The following SPG11 variants were observed in gnomAD, a reference collection of about 807,000 sequenced individuals.
SPG11 encodes spatacsin.
In SPG11, 222 loss-of-function variants were observed where a neutral mutation model predicts 274.0. The ratio of observed to expected loss-of-function variants is 0.81; its 90% CI spans 0.73 to 0.91. The LOEUF is 0.91. Ranked by LOEUF, SPG11 falls within the 40% of genes least tolerant of loss-of-function variation. SPG11 has a pLI of 0.00. For missense variants in SPG11, 3,114 were observed against 2,872.7 expected, an observed-to-expected ratio of 1.08 and a Z score of -1.92; for synonymous variants, 1,144 against 1,039.7, an observed-to-expected ratio of 1.10 and a Z score of -1.93.
intron 23 of SPG11, among the ~76,000 whole-genome samples, chr15:44,597,589 T>C (rs1307356356): frequency 6.6e-6 from 1 of 152,220 alleles, no homozygotes; most frequent in East Asian, 1.9e-4. Flanking sequence ...TCTCTTGCTC[T>C]ATTCACTTTA....
At chr15:44,622,601 C>T in intron 12 of SPG11, 127 bp downstream of exon 12, 1 of 860,036 alleles carries the variant, frequency 1.2e-6, no homozygotes, top group South Asian at 1.5e-5. Context: ...GGGGTTGTCA[C>T]ACTTTTACTT....
chr15:44,625,885 G>C (rs2083884408), intron 11 of SPG11, among the ~76,000 whole-genome samples: 1 of 151,640 alleles, frequency 6.6e-6, no homozygotes, highest in African/African-American at 2.4e-5. Flanking sequence ...TCGCCATGTT[G>C]GTCAGGCTGG....
chr15:44,661,716 TAG>T (rs1178545286), intron 1 of SPG11, among the ~76,000 whole-genome samples: 1 of 152,092 alleles, frequency 6.6e-6, no homozygotes, highest in Non-Finnish European at 1.5e-5. Flanking sequence ...ACTTAAAAGG[TAG>T]AGTACATCAT....
At chr15:44,640,006 C>T (rs1195229210) in intron 7 of SPG11, among the ~76,000 whole-genome samples, 2 of 152,012 alleles carry the variant, frequency 1.3e-5, no homozygotes, top group Non-Finnish European at 2.9e-5. Flanking sequence ...GTCAAGAGAT[C>T]GAGACCAGCC....
chr15:44,622,120 G>A (rs567031576), intron 13 of SPG11, 100 bp downstream of exon 13: 3 of 1,366,478 alleles, frequency 2.2e-6, no homozygotes, highest in Non-Finnish European at 2.1e-6. Flanking sequence ...GGAGAATGCA[G>A]GCTCAGTTCC....
At chr15:44,568,146 C>T (rs535987029) in intron 35 of SPG11, among the ~76,000 whole-genome samples, 3 of 152,256 alleles carry the variant, frequency 2.0e-5, no homozygotes, top group African/African-American at 7.2e-5. Context: ...AAGGCCTATA[C>T]CAAATTGTTA....
intron 30 of SPG11, among the ~76,000 whole-genome samples, chr15:44,578,276 C>T (rs2082587722): frequency 1.3e-5 from 2 of 151,426 alleles, no homozygotes; most frequent in African/African-American, 4.9e-5. Flanking sequence ...CATGATCCGC[C>T]CACCTCGGCC....
chr15:44,599,785 TCTGTGC>T (rs1291567375), intron 21 of SPG11, among the ~76,000 whole-genome samples: 6 of 152,224 alleles, frequency 3.9e-5, no homozygotes, highest in African/African-American at 1.4e-4. Context: ...TCCTCTCAAT[TCTGTGC>T]CTTATAAAAA....
intron 7 of SPG11, among the ~76,000 whole-genome samples, chr15:44,643,275 A>G (rs1254940047): frequency 6.6e-6 from 1 of 152,208 alleles, no homozygotes. Context: ...AACAGTATTA[A>G]TAATAAGAAA....
chr15:44,625,240 C>G (rs1184252379), intron 11 of SPG11, among the ~76,000 whole-genome samples: 2 of 151,820 alleles, frequency 1.3e-5, no homozygotes. Flanking sequence ...TTTTTAGGTG[C>G]AATCATAGTT....
intron 18 of SPG11, among the ~76,000 whole-genome samples, chr15:44,609,439 ATTC>A (rs1180982280): frequency 1.3e-5 from 2 of 151,878 alleles, no homozygotes; most frequent in Non-Finnish European, 1.5e-5. Flanking sequence ...TTTAAACAAC[ATTC>A]TTAATTTCCC....
intron 18 of SPG11, among the ~76,000 whole-genome samples, chr15:44,609,165 C>A (rs1017166558): frequency 2.6e-5 from 4 of 152,228 alleles, no homozygotes; most frequent in African/African-American, 7.2e-5. Context: ...GAGTCTCACT[C>A]TGTGGGCCCA....
chr15:44,624,650 C>A (rs1230944554), intron 11 of SPG11, among the ~76,000 whole-genome samples: 1 of 152,100 alleles, frequency 6.6e-6, no homozygotes, highest in East Asian at 1.9e-4. Flanking sequence ...TACTTGAAAT[C>A]TGTTGAGAGT....
chr15:44,572,768 C>A lies in SPG11; in HGVS notation c.6258G>T (p.Leu2086=), dbSNP rs150761878. Residue 2086 remains leucine, a synonymous_variant, in exon 33 of 40, where the codon CTG becomes CTT. Coordinates refer to ENST00000261866, the MANE Select transcript of SPG11 (RefSeq NM_025137.4). ...ATGTGCGGTCTTGACACAGAGTGGT[C>A]AGCTGAAGAAATGTCTGGCTTTCCT... ...PTEESQTFLQ[L]TTLCQDRTLV... is the part of the protein sequence containing the mutation. 9,365 of 1,614,044 alleles carry A rather than the reference C, an allele frequency of 5.8e-3. 54 individuals are homozygous for A. Among genetic ancestry groups the A allele is most frequent in the Non-Finnish European group, 5.8e-3 (6,869 of 1,179,968 alleles).
At chr15:44,567,041 T>C (rs562692388) in intron 36 of SPG11, among the ~76,000 whole-genome samples, 20 of 151,994 alleles carry the variant, frequency 1.3e-4, no homozygotes, top group Non-Finnish European at 1.6e-4. Flanking sequence ...TCATGGGCTC[T>C]TGTCCTTTGC....
intron 30 of SPG11, 138 bp downstream of exon 30, chr15:44,583,676 A>C: frequency 1.0e-6 from 1 of 968,144 alleles, no homozygotes; most frequent in East Asian, 2.4e-5. Flanking sequence ...TTAATTGGCT[A>C]GTCTACAGAT....
At chr15:44,612,534 G>C (rs1017962806) in intron 17 of SPG11, among the ~76,000 whole-genome samples, 1 of 152,026 alleles carries the variant, frequency 6.6e-6, no homozygotes, top group Non-Finnish European at 1.5e-5. Context: ...AAGTTGCTGG[G>C]ACTACAGGAG....
chr15:44,597,642 G>T (rs529155822), intron 23 of SPG11, among the ~76,000 whole-genome samples: 1 of 152,226 alleles, frequency 6.6e-6, no homozygotes, highest in East Asian at 1.9e-4. Flanking sequence ...TCCTCACCAG[G>T]GGTAGGGTAC....
intron 29 of SPG11, 77 bp downstream of exon 29, chr15:44,585,559 G>T: frequency 8.3e-7 from 1 of 1,207,288 alleles, no homozygotes; most frequent in Non-Finnish European, 1.2e-6. Flanking sequence ...CGGAGATCGC[G>T]CCACTGCACT....
Sources: gnomAD v4.1 joint callset for allele counts (sites outside exome capture counted in the v4.1 genomes callset) on GRCh38, gnomAD v4.1.1 for gene constraint, MANE v1.5 for transcripts, NCBI Gene and HGNC (gene_info 2026-07-23, HGNC 2026-07-21) for gene names.